The following LMO7 variants were observed in gnomAD, a reference collection of about 807,000 sequenced individuals.
LMO7 encodes the protein LIM domain only protein 7.
Under a neutral mutation model 206.5 loss-of-function variants are expected in LMO7, and 120 were observed. The ratio of observed to expected loss-of-function variants is 0.58; its 90% CI spans 0.50 to 0.68. LMO7 has a LOEUF of 0.68. Among genes scored for constraint, LMO7 ranks in the 30% least tolerant of loss-of-function variants. The probability of loss-of-function intolerance (pLI) is 0.00; values close to 1 mark genes in which losing one functional copy is unlikely to be tolerated. For missense variants in LMO7, 1,959 were observed against 1,957.9 expected (o/e 1.00, Z -0.01); for synonymous variants, 706 against 681.5 (o/e 1.04, Z -0.56).
Position 75,833,173 on chromosome 13 carries a change from A to T in LMO7, c.3064+8A>T. The T allele has an allele frequency of 6.9e-7, 1 of 1,450,720 alleles. No homozygotes were observed. The highest frequency in any genetic ancestry group is 1.7e-5 in the Admixed American group (1 of 59,746). The allele number at this position is 1,450,720 out of a possible 1,614,324, so 89.9% of individuals were successfully genotyped here. A position where few individuals can be genotyped will look rare whatever the true frequency, so the allele number is the denominator to read the frequency against. ...TAGCATCAGTTGAAGCAGGTAAATT[A>T]TGTGTTTAGCTCTACTGAATTTTCT... is the stretch of plus-strand genomic sequence containing the variant. On this transcript the variant is annotated splice_region_variant and intron_variant, in intron 16 of 30. Coordinates refer to ENST00000377534, the MANE Select transcript of LMO7 (RefSeq NM_001306080.2).
At position 75,841,725 on chromosome 13, in the gene LMO7, C is replaced by T. The variant is rs776497581; in HGVS notation, c.3773C>T (p.Ser1258Leu). 9.3e-6 allele frequency: 15 copies of T among 1,614,070 alleles called. No homozygotes were observed. Among genetic ancestry groups the T allele is most frequent in the Non-Finnish European group, 1.2e-5 (14 of 1,179,992 alleles). Residue 1258 changes from serine (S) to leucine (L), a missense_variant, in exon 24 of 31, where the codon TCA (serine) becomes TTA (leucine). Physicochemically the swap from Ser to Leu is moderately radical, Grantham distance 145. Coordinates refer to ENST00000377534, the MANE Select transcript of LMO7 (RefSeq NM_001306080.2). Reference protein sequence around the residue: ...EATWSEGSKSSDREGTRAGEE... With the variant: ...EATWSEGSKSLDREGTRAGEE... ...ACCTGGAGTGAAGGGTCCAAGTCTT[C>T]AGACAGAGAAGGAACCCGAGCAGGA...
Position 75,859,601 on chromosome 13 carries a change from A to G in LMO7, c.*1658A>G, listed in dbSNP as rs541356751. The G allele has an allele frequency of 5.9e-5, 9 of 152,172 alleles. No individual in the cohort carries two copies. Among genetic ancestry groups the G allele is most frequent in the Non-Finnish European group, 1.0e-4 (7 of 68,032 alleles). 9.4% of individuals were successfully genotyped at this position (152,172 alleles called of 1,614,324 possible). A position where few individuals can be genotyped will look rare whatever the true frequency, so the allele number is the denominator to read the frequency against. On this transcript the variant is annotated 3_prime_UTR_variant, in exon 31 of 31. Coordinates refer to ENST00000377534, the MANE Select transcript of LMO7 (RefSeq NM_001306080.2). The stretch of plus-strand genomic sequence containing the variant: ...AAATATGTAAATTCTGTGATACTCT[A>G]TGATCATCTCTTTCTTTATATTATT...
chr13:75,799,192 T>G (rs529672132), intron 6 of LMO7, among the ~76,000 whole-genome samples: 5 of 152,328 alleles, frequency 3.3e-5, no homozygotes, highest in Admixed American at 3.3e-4. Flanking sequence ...GTCAAACAAT[T>G]GAATCATGAA....
chr13:75,760,973 A>G lies in LMO7; in HGVS notation c.252A>G (p.Gly84=), dbSNP rs17706535. The change falls in exon 4 of 31, where the codon GGA becomes GGG. Residue 84 remains glycine, a synonymous_variant. Coordinates refer to ENST00000377534, the MANE Select transcript of LMO7 (RefSeq NM_001306080.2). ...TCTTGAAAGCTTGTGAACAGATTGG[A>G]TTGAAAGAAGCCCAGCTTTTCCATC... ...NVFLKACEQI[G]LKEAQLFHPG... 162,375 of 1,613,084 alleles carry G rather than the reference A, an allele frequency of 0.1. 9,412 individuals carry two copies. The highest frequency in any genetic ancestry group is 0.2 in the Middle Eastern group (1,186 of 6,046).
upstream of LMO7, chr13:75,632,207 T>C (rs2035039161): frequency 6.6e-6 from 1 of 152,202 alleles, no homozygotes; most frequent in Non-Finnish European, 1.5e-5. Flanking sequence ...GTAGAAATCT[T>C]TCCAGAAGGG....
At chr13:75,712,336 C>T (rs1041911424) in intron 1 of LMO7, among the ~76,000 whole-genome samples, 1 of 152,202 alleles carries the variant, frequency 6.6e-6, no homozygotes, top group Non-Finnish European at 1.5e-5. Flanking sequence ...CTGTTGGTCC[C>T]TGCCCTCCCC....
chr13:75,844,172 G>T (rs1368605198), intron 25 of LMO7, among the ~76,000 whole-genome samples: 1 of 152,104 alleles, frequency 6.6e-6, no homozygotes, highest in Non-Finnish European at 1.5e-5. Flanking sequence ...GATAAAGCAT[G>T]CCCTAGAGGC....
intron 1 of LMO7, among the ~76,000 whole-genome samples, chr13:75,647,074 TGTG>T: frequency 6.7e-6 from 1 of 149,140 alleles, no homozygotes; most frequent in South Asian, 2.1e-4. Context: ...TAGGTGTGTG[TGTG>T]TGTGTGTGTC....
In LMO7 at chr13:75,671,788, G is replaced by C. The variant is rs137919851; in HGVS notation, c.69+35062G>C. 2.5e-3 allele frequency among the ~76,000 whole-genome samples: 381 copies of C among 152,210 alleles called. 1 individual carries two copies. The highest frequency in any genetic ancestry group is 8.7e-3 in the African/African-American group (361 of 41,532). ...CCCTTCTCAGGTGCTTTGCCAAGGA[G>C]TAAAATATCTCAGGTCATCTCTGGA... On this transcript the variant is annotated intron_variant, in intron 1 of 30. Coordinates refer to ENST00000377534, the MANE Select transcript of LMO7 (RefSeq NM_001306080.2).
At chr13:75,688,225 G>A (rs1008349903) in intron 1 of LMO7, among the ~76,000 whole-genome samples, 1 of 152,120 alleles carries the variant, frequency 6.6e-6, no homozygotes, top group Non-Finnish European at 1.5e-5. Context: ...ACCAAGTCAA[G>A]GTGTAAGAAG....
At chr13:75,850,541 T>C (rs2060411370) in intron 27 of LMO7, among the ~76,000 whole-genome samples, 1 of 152,236 alleles carries the variant, frequency 6.6e-6, no homozygotes, top group African/African-American at 2.4e-5. Context: ...AGTGGCATAC[T>C]GATCAGACAG....
intron 4 of LMO7, among the ~76,000 whole-genome samples, chr13:75,784,529 T>A (rs1395402456): frequency 3.3e-5 from 5 of 152,318 alleles, no homozygotes; most frequent in Non-Finnish European, 7.4e-5. Context: ...GTTGCATGCA[T>A]ACATAGTTTG....
chr13:75,811,208 CTT>C (rs764599899), intron 11 of LMO7, among the ~76,000 whole-genome samples: 13 of 130,644 alleles, frequency 1.0e-4, no homozygotes, highest in Admixed American at 3.2e-4. Flanking sequence ...TTTTCTTTCT[CTT>C]TTTTTTTTTT....
intron 9 of LMO7, chr13:75,806,200 G>T: frequency 1.0e-6 from 1 of 992,678 alleles, no homozygotes; most frequent in Non-Finnish European, 1.2e-6. Flanking sequence ...TACCAAACGG[G>T]CTGTAAAATC....
intron 2 of LMO7, among the ~76,000 whole-genome samples, chr13:75,725,099 G>C (rs2044353256): frequency 6.6e-6 from 1 of 152,002 alleles, no homozygotes; most frequent in Admixed American, 6.6e-5. Context: ...TACTTCCCTT[G>C]GCTGACCAAA....
At position 75,807,745 on chromosome 13, in the gene LMO7, T is replaced by C. The variant is rs1385871210; in HGVS notation, c.1462T>C (p.Ser488Pro). The change falls in exon 10 of 31, where the codon TCT (serine) becomes CCT (proline). Residue 488 changes from serine to proline, a missense_variant. By Grantham distance (74) the Ser-to-Pro change is moderately conservative. Transcript: ENST00000377534. The part of the protein sequence containing the change: ...LRAFEDFRKF[S>P]EQDDSVERDI... The stretch of plus-strand genomic sequence containing the variant: ...AGCTTTTGAAGACTTTAGAAAGTTC[T>C]CTGAGCAAGATGATTCTGTAGAGCG... The C allele has an allele frequency of 6.2e-7, 1 of 1,614,032 alleles. No homozygotes were observed. The highest frequency in any genetic ancestry group is 1.1e-5 in the South Asian group (1 of 91,080).
intron 3 of LMO7, among the ~76,000 whole-genome samples, chr13:75,743,198 T>A (rs1329731586): frequency 6.6e-6 from 1 of 152,156 alleles, no homozygotes; most frequent in African/African-American, 2.4e-5. Context: ...AGAATGGCTA[T>A]TACTAAAAAG....
chr13:75,637,485 T>TGGGATGTTAACA (rs2036061319), intron 1 of LMO7, among the ~76,000 whole-genome samples: 1 of 152,168 alleles, frequency 6.6e-6, no homozygotes, highest in Admixed American at 6.5e-5. Context: ...ACATCAGGAC[T>TGGGATGTTAACA]TCTAGCCGTT....
At chr13:75,834,486 C>A in intron 17 of LMO7, 99 bp downstream of exon 17, 1 of 953,042 alleles carries the variant, frequency 1.0e-6, no homozygotes, top group Non-Finnish European at 1.5e-6. Flanking sequence ...TATTTTTTCA[C>A]TTATGTTTTG....
Sources: gnomAD v4.1 joint callset for allele counts (sites outside exome capture counted in the v4.1 genomes callset) on GRCh38, gnomAD v4.1.1 for gene constraint, MANE v1.5 for transcripts, NCBI Gene and HGNC (gene_info 2026-07-23, HGNC 2026-07-21) for gene names.